The following NOVA1 variants were observed in gnomAD, a reference collection of about 807,000 sequenced individuals.
The protein encoded by NOVA1 is RNA-binding protein Nova-1.
Under a neutral mutation model 38.0 loss-of-function variants are expected in NOVA1, and 7 were observed. The ratio of observed to expected loss-of-function variants is 0.18; its 90% CI spans 0.10 to 0.35. The LOEUF is 0.35. NOVA1 is among the 10% of genes least tolerant of loss of function. The pLI is 1.00. For missense variants in NOVA1, 460 were observed against 616.0 expected, an observed-to-expected ratio of 0.75 and a Z score of 2.68; for synonymous variants, 270 against 232.5, an observed-to-expected ratio of 1.16 and a Z score of -1.47.
intron 4 of NOVA1, among the ~76,000 whole-genome samples, chr14:26,449,757 G>T (rs1050819503): frequency 4.0e-5 from 6 of 151,706 alleles, no homozygotes; most frequent in African/African-American, 1.5e-4. Flanking sequence ...TAAAATTAGG[G>T]CTTACTACCA....
chr14:26,523,895 C>T (rs981621254), intron 2 of NOVA1, among the ~76,000 whole-genome samples: 2 of 151,868 alleles, frequency 1.3e-5, no homozygotes, highest in Non-Finnish European at 2.9e-5. Context: ...GGACTACAGG[C>T]GCCCGACACC....
intron 2 of NOVA1, among the ~76,000 whole-genome samples, chr14:26,516,696 T>G (rs1045531674): frequency 6.6e-6 from 1 of 152,208 alleles, no homozygotes; most frequent in Non-Finnish European, 1.5e-5. Context: ...TAGGCTCTAT[T>G]GAACAGTGTT....
chr14:26,491,600 T>G (rs1220300060), intron 2 of NOVA1, among the ~76,000 whole-genome samples: 2 of 152,184 alleles, frequency 1.3e-5, no homozygotes, highest in Non-Finnish European at 2.9e-5. Flanking sequence ...GTTGTTGATC[T>G]ATTTTGAATT....
intron 2 of NOVA1, among the ~76,000 whole-genome samples, chr14:26,523,686 A>AT (rs1889067960): frequency 6.7e-6 from 1 of 149,818 alleles, no homozygotes; most frequent in Admixed American, 6.6e-5. Flanking sequence ...ATTGCATATA[A>AT]TTTTCACATT....
intron 2 of NOVA1, among the ~76,000 whole-genome samples, chr14:26,552,787 C>T (rs1891240334): frequency 6.6e-6 from 1 of 152,070 alleles, no homozygotes; most frequent in South Asian, 2.1e-4. Context: ...AACAAATATA[C>T]TATTTTAAAT....
intron 2 of NOVA1, among the ~76,000 whole-genome samples, chr14:26,566,474 T>G (rs1892142040): frequency 6.6e-6 from 1 of 152,160 alleles, no homozygotes; most frequent in African/African-American, 2.4e-5. Flanking sequence ...ATAAAGTTTT[T>G]GAAAGAAGTA....
intron 2 of NOVA1, among the ~76,000 whole-genome samples, chr14:26,508,478 G>T (rs1367875418): frequency 6.6e-6 from 1 of 151,704 alleles, no homozygotes; most frequent in Non-Finnish European, 1.5e-5. Context: ...ATGATTTTAT[G>T]TAGGAATAGA....
intron 2 of NOVA1, among the ~76,000 whole-genome samples, chr14:26,545,457 T>C (rs778363759): frequency 1.3e-5 from 2 of 151,996 alleles, no homozygotes; most frequent in African/African-American, 4.8e-5. Flanking sequence ...AAGACTACAG[T>C]ATCAATAAAT....
At chr14:26,454,801 T>C (rs2138581392) in intron 4 of NOVA1, among the ~76,000 whole-genome samples, 1 of 152,240 alleles carries the variant, frequency 6.6e-6, no homozygotes, top group African/African-American at 2.4e-5. Flanking sequence ...TTAATTTACT[T>C]TTTACCATGA....
At chr14:26,470,199 T>C in intron 4 of NOVA1, 1 of 973,044 alleles carries the variant, frequency 1.0e-6, no homozygotes, top group Non-Finnish European at 1.3e-6. Context: ...CTTAAGATGA[T>C]CATATTAAAA....
chr14:26,543,641 A>G (rs1018957366), intron 2 of NOVA1, among the ~76,000 whole-genome samples: 3 of 152,060 alleles, frequency 2.0e-5, no homozygotes, highest in Non-Finnish European at 4.4e-5. Flanking sequence ...ATGACAGAAC[A>G]GCATAAGACA....
intron 2 of NOVA1, among the ~76,000 whole-genome samples, chr14:26,542,896 A>C (rs1263423556): frequency 6.6e-6 from 1 of 151,994 alleles, no homozygotes. Flanking sequence ...AGAAAGAAAA[A>C]TAAAGAAGTC....
At chr14:26,578,207 G>C (rs1210487464) in intron 2 of NOVA1, among the ~76,000 whole-genome samples, 1 of 152,102 alleles carries the variant, frequency 6.6e-6, no homozygotes, top group Non-Finnish European at 1.5e-5. Flanking sequence ...TCAGTGAAAG[G>C]TTGGGTCAAA....
chr14:26,526,509 G>T (rs972854437), intron 2 of NOVA1, among the ~76,000 whole-genome samples: 1 of 151,996 alleles, frequency 6.6e-6, no homozygotes, highest in Non-Finnish European at 1.5e-5. Context: ...TTATTTAAAA[G>T]CCCAGCGCTG....
chr14:26,563,169 C>T (rs1241372942), intron 2 of NOVA1, among the ~76,000 whole-genome samples: 2 of 151,120 alleles, frequency 1.3e-5, no homozygotes, highest in Non-Finnish European at 3.0e-5. Flanking sequence ...ACACAAAAGA[C>T]TAAAACCAGA....
At chr14:26,560,038 T>C (rs1891728525) in intron 2 of NOVA1, among the ~76,000 whole-genome samples, 1 of 152,082 alleles carries the variant, frequency 6.6e-6, no homozygotes, top group African/African-American at 2.4e-5. Flanking sequence ...TTGTATAATT[T>C]GTAAATATGC....
At position 26,448,660 on chromosome 14, in the gene NOVA1, T is replaced by C. The variant is rs369137530; in HGVS notation, c.823A>G (p.Thr275Ala). 5 of 1,614,030 alleles carry C rather than the reference T, an allele frequency of 3.1e-6. No homozygotes were observed. In the African/African-American group the frequency reaches 6.7e-5, roughly 22 times the overall value. Residue 275 changes from threonine (T) to alanine (A), a missense_variant, in exon 5 of 5, where the codon ACT (threonine) becomes GCT (alanine). Transcript: ENST00000539517. The surrounding 1 kb of genome is among the most constrained non-coding windows in gnomAD (Gnocchi z 5.3). ...SNPTGSPYANTAEVLPTAAAA... is the reference protein window; with the variant it reads ...SNPTGSPYANAAEVLPTAAAA... ...GCAGCAGTTGGTAACACTTCAGCAG[T>C]GTTTGCATAAGGAGATCCGGTTGGA...
chr14:26,453,193 TATGTATGTATGTATG>T (rs751477999), intron 4 of NOVA1, among the ~76,000 whole-genome samples: 5,069 of 80,336 alleles, frequency 0.063, 117 homozygotes, highest in South Asian at 0.19. Context: ...TGTATGTATG[TATGTATGTATGTATG>T]TATTTATTTA....
intron 2 of NOVA1, among the ~76,000 whole-genome samples, chr14:26,513,696 AC>A (rs1035036938): frequency 2.6e-5 from 4 of 151,858 alleles, no homozygotes; most frequent in South Asian, 2.1e-4. Flanking sequence ...TAATAAAAAA[AC>A]AGATAAAAAT....
Sources: gnomAD v4.1 joint callset for allele counts (sites outside exome capture counted in the v4.1 genomes callset) on GRCh38, gnomAD v4.1.1 for gene constraint, Gnocchi (gnomAD v3.1) non-coding constraint, MANE v1.5 for transcripts, NCBI Gene and HGNC (gene_info 2026-07-23, HGNC 2026-07-21) for gene names.